Variants in RIT2 observed in about 807,000 individuals in gnomAD.
The protein encoded by RIT2 is Ras like without CAAX 2.
In RIT2, 24 loss-of-function variants were observed where a neutral mutation model predicts 23.7. The ratio of observed to expected loss-of-function variants is 1.01; its 90% confidence interval spans 0.73 to 1.43. The LOEUF (loss-of-function observed/expected upper bound fraction) is 1.43, where lower values mean the gene tolerates loss of function less well. Among genes scored for constraint, RIT2 ranks in the 40% most tolerant of loss-of-function variants. The pLI is 0.00. For synonymous variants in RIT2, 107 were observed against 91.1 expected (o/e 1.17, Z -0.99); for missense variants, 236 against 266.9 (o/e 0.88, Z 0.81).
At chr18:42,942,383 C>T (rs1909625186) in intron 3 of RIT2, among the ~76,000 whole-genome samples, 1 of 152,142 alleles carries the variant, frequency 6.6e-6, no homozygotes, top group African/African-American at 2.4e-5. Flanking sequence ...TCTCTCCACT[C>T]AGGAGTCCAG....
chr18:42,756,880 A>T (rs1164812857), intron 4 of RIT2, among the ~76,000 whole-genome samples: 1 of 66,418 alleles, frequency 1.5e-5, no homozygotes, highest in Non-Finnish European at 2.9e-5. Flanking sequence ...ACAAATTTAT[A>T]TTAGGTAAAA....
Position 43,029,575 on chromosome 18 carries a change from G to T in RIT2, c.160+4236C>A, listed in dbSNP as rs549042144. On this transcript the variant is annotated intron_variant, in intron 2 of 4. Transcript: ENST00000326695. ...TCTTAATGCAATGAGACAAAAAAAA[G>T]AAAAATTGGACTCTAGACAAGGAGA... Among the ~76,000 whole-genome samples, 3 of 151,936 alleles carry T rather than the reference G, an allele frequency of 2.0e-5. No homozygotes were observed. In the South Asian group the frequency reaches 6.2e-4, roughly 32 times the overall value.
chr18:42,748,345 C>T (rs534304612), intron 4 of RIT2, among the ~76,000 whole-genome samples: 2 of 152,082 alleles, frequency 1.3e-5, no homozygotes, highest in African/African-American at 4.8e-5. Flanking sequence ...AAATACTCAA[C>T]ATCAGTAATG....
intron 3 of RIT2, among the ~76,000 whole-genome samples, chr18:42,964,657 C>T (rs1343952156): frequency 1.3e-5 from 2 of 152,172 alleles, no homozygotes; most frequent in Admixed American, 6.5e-5. Context: ...TCTCAATATC[C>T]TGCCCTTTCT....
In RIT2 at chr18:43,063,178, T is replaced by A. The variant is rs117547286; in HGVS notation, c.104-29311A>T. Among the ~76,000 whole-genome samples the A allele has an allele frequency of 7.1e-3, 1,087 of 152,246 alleles. 11 individuals are homozygous for A. Among genetic ancestry groups the A allele is most frequent in the Non-Finnish European group, 9.1e-3 (620 of 68,002 alleles). On this transcript the variant is annotated intron_variant, in intron 1 of 4. Transcript: ENST00000326695. ...TGAGTAGATTTGAGTAAAAAAGAGA[T>A]AATACATCTTATAAATTTCAATATG...
chr18:43,080,334 C>G (rs73954411), intron 1 of RIT2, among the ~76,000 whole-genome samples: 23,766 of 152,196 alleles, frequency 0.16, 1,974 homozygotes, highest in South Asian at 0.21. Flanking sequence ...TAAAACTTAT[C>G]TGATTAGTGA....
intron 4 of RIT2, among the ~76,000 whole-genome samples, chr18:42,921,432 G>A (rs1412733245): frequency 6.6e-6 from 1 of 152,056 alleles, no homozygotes; most frequent in East Asian, 1.9e-4. Context: ...TTTAATTTCA[G>A]TGACATTTGT....
intron 2 of RIT2, among the ~76,000 whole-genome samples, chr18:43,023,021 A>G (rs1911632577): frequency 6.6e-6 from 1 of 152,070 alleles, no homozygotes; most frequent in African/African-American, 2.4e-5. Flanking sequence ...TGCAAGACCA[A>G]TGCAGTCGTG....
intron 4 of RIT2, among the ~76,000 whole-genome samples, chr18:42,864,000 C>G (rs550589986): frequency 6.7e-6 from 1 of 149,206 alleles, no homozygotes; most frequent in Non-Finnish European, 1.5e-5. Context: ...GGGGAACTAG[C>G]AACTCTATTC....
At chr18:43,013,773 C>T (rs1911407881) in intron 2 of RIT2, among the ~76,000 whole-genome samples, 2 of 151,660 alleles carry the variant, frequency 1.3e-5, no homozygotes, top group Admixed American at 6.6e-5. Flanking sequence ...GATAAATAAG[C>T]ATCTTGATGT....
chr18:42,870,986 A>C (rs1598692531), intron 4 of RIT2, among the ~76,000 whole-genome samples: 1 of 152,202 alleles, frequency 6.6e-6, no homozygotes, highest in Middle Eastern at 3.4e-3. Context: ...TGTTATTATC[A>C]CCCTTATGAT....
intron 2 of RIT2, among the ~76,000 whole-genome samples, chr18:43,021,192 AAAT>A (rs2144265875): frequency 6.6e-6 from 1 of 152,220 alleles, no homozygotes; most frequent in African/African-American, 2.4e-5. Flanking sequence ...TAATTTTATA[AAAT>A]AATAATTTCA....
chr18:42,802,096 C>G (rs758892083), intron 4 of RIT2, among the ~76,000 whole-genome samples: 2 of 152,026 alleles, frequency 1.3e-5, no homozygotes, highest in Non-Finnish European at 2.9e-5. Flanking sequence ...AGCCCACATG[C>G]AGAAAATATA....
chr18:42,915,828 T>C (rs1272803077), intron 4 of RIT2, among the ~76,000 whole-genome samples: 2 of 151,916 alleles, frequency 1.3e-5, no homozygotes, highest in Admixed American at 6.6e-5. Context: ...TATTTTATAT[T>C]TTAAACATTT....
At position 42,997,488 on chromosome 18, in the gene RIT2, A is replaced by AAAAAAGG. The variant is rs576038398; in HGVS notation, c.161-23348_161-23342dup. ...AAGAAGGGGGAGGGAGGGAGGAAGA[A>AAAAAAGG]AAAAAGGAAGACAGGAAACTGACTT... On this transcript the variant is annotated intron_variant, in intron 2 of 4. Transcript: ENST00000326695. Among the ~76,000 whole-genome samples, 608 of 152,126 alleles carry AAAAAAGG rather than the reference A, an allele frequency of 4.0e-3. 3 individuals are homozygous for AAAAAAGG. Among genetic ancestry groups the AAAAAAGG allele is most frequent in the African/African-American group, 0.013 (522 of 41,536 alleles).
chr18:42,879,962 C>A (rs1907843910), intron 4 of RIT2, among the ~76,000 whole-genome samples: 1 of 152,128 alleles, frequency 6.6e-6, no homozygotes, highest in East Asian at 1.9e-4. Context: ...TATCTGACTG[C>A]TAGATTTCTG....
intron 3 of RIT2, among the ~76,000 whole-genome samples, chr18:42,938,991 C>T (rs541682587): frequency 2.6e-5 from 4 of 152,258 alleles, no homozygotes; most frequent in South Asian, 2.1e-4. Context: ...AGCAATACTC[C>T]TGCCTTGGCC....
chr18:42,771,407 T>A (rs1403022885), intron 4 of RIT2, among the ~76,000 whole-genome samples: 1 of 152,184 alleles, frequency 6.6e-6, no homozygotes, highest in African/African-American at 2.4e-5. Flanking sequence ...AAGTATACAG[T>A]AATAGTTAAA....
At position 42,911,135 on chromosome 18, in the gene RIT2, G is replaced by A. The variant is rs939252263; in HGVS notation, c.426+12437C>T. On this transcript the variant is annotated intron_variant, in intron 4 of 4. Coordinates refer to ENST00000326695, the MANE Select transcript of RIT2 (RefSeq NM_002930.4). ...GAGTATACCCATAACAGAAACTCAG[G>A]GGGAAATTTTTCAACATCTTGGGAA... Among the ~76,000 whole-genome samples, 6 of 151,970 alleles carry A rather than the reference G, an allele frequency of 3.9e-5. No individual in the cohort carries two copies. In the East Asian group the frequency reaches 9.7e-4, roughly 24 times the overall value.
Sources: allele counts gnomAD v4.1 joint callset (sites outside exome capture counted in the v4.1 genomes callset), GRCh38; gene constraint gnomAD v4.1.1; transcripts MANE v1.5; gene names NCBI Gene and HGNC (gene_info 2026-07-23, HGNC 2026-07-21).